The following TAF4 variants were observed in gnomAD, a reference collection of about 807,000 sequenced individuals.
The protein encoded by TAF4 is TATA-box binding protein associated factor 4.
TAF4 carries 9 observed loss-of-function variants against 90.3 expected under a neutral mutation model. That is an observed-to-expected ratio of 0.10 (90% CI 0.06 to 0.17). The LOEUF is 0.17. Among genes scored for constraint, TAF4 ranks in the 10% least tolerant of loss-of-function variants. TAF4 has a pLI of 1.00. For missense variants in TAF4, 1,351 were observed against 1,370.7 expected, an observed-to-expected ratio of 0.99 and a Z score of 0.23; for synonymous variants, 818 against 638.9, an observed-to-expected ratio of 1.28 and a Z score of -4.23.
At chr20:62,041,265 T>G (rs2055962232) in intron 1 of TAF4, among the ~76,000 whole-genome samples, 1 of 152,194 alleles carries the variant, frequency 6.6e-6, no homozygotes. Context: ...GGGGACATTT[T>G]ATTGTATATA....
At chr20:62,051,207 G>A (rs1474257834) in intron 1 of TAF4, among the ~76,000 whole-genome samples, 2 of 152,176 alleles carry the variant, frequency 1.3e-5, no homozygotes, top group South Asian at 2.1e-4. Context: ...CTGTGGGACC[G>A]GCAGCCTTGG....
Position 62,065,595 on chromosome 20 carries a change from G to T in TAF4, c.216C>A (p.Gly72=), listed in dbSNP as rs1464851726. Residue 72 remains glycine, a synonymous_variant, in exon 1 of 15, where the codon GGC becomes GGA. Transcript: ENST00000252996. ...CCTCGGCGGGGGCGGCCGGCCCTGC[G>T]CCCGCGGCTCCGGCCGGGCTGCCGC... is the stretch of plus-strand genomic sequence containing the variant. ...VVSGSPAGAA[G]AGPAAPAEGA... 1.0e-6 allele frequency: 1 copy of T among 986,256 alleles called. No homozygotes were observed. Among genetic ancestry groups the T allele is most frequent in the Non-Finnish European group, 1.2e-6 (1 of 832,770 alleles). The allele number at this position is 986,256 out of a possible 1,614,324, so 61.1% of individuals were successfully genotyped here. A position where few individuals can be genotyped will look rare whatever the true frequency, so the allele number is the denominator to read the frequency against.
chr20:62,027,858 A>G (rs978688431), intron 1 of TAF4, among the ~76,000 whole-genome samples: 2 of 152,252 alleles, frequency 1.3e-5, no homozygotes, highest in Non-Finnish European at 2.9e-5. Context: ...GCAAAGAAAC[A>G]GTGACTGAGA....
chr20:62,046,853 GC>G, intron 1 of TAF4, among the ~76,000 whole-genome samples: 1 of 152,304 alleles, frequency 6.6e-6, no homozygotes, highest in Admixed American at 6.5e-5. Context: ...ACACCTGCTA[GC>G]CATTTGTGTA....
chr20:62,038,117 C>G (rs2055943760), intron 1 of TAF4, among the ~76,000 whole-genome samples: 1 of 152,144 alleles, frequency 6.6e-6, no homozygotes, highest in East Asian at 1.9e-4. Flanking sequence ...CAAGCTCCGC[C>G]TCCCAGGTTC....
At chr20:62,003,918 G>A (rs372099515) in intron 7 of TAF4, 40 bp from the exon 8 acceptor site, 55 of 1,509,566 alleles carry the variant, frequency 3.6e-5, no homozygotes, top group African/African-American at 1.7e-4. Flanking sequence ...CATGCTCCCC[G>A]AGGGCCAGGG....
chr20:61,990,556 G>A (rs2055625149), intron 14 of TAF4, among the ~76,000 whole-genome samples: 1 of 152,216 alleles, frequency 6.6e-6, no homozygotes, highest in Admixed American at 6.5e-5. Context: ...CCTGGACCCA[G>A]GAGCCAGCAG....
At chr20:61,984,774 T>C (rs2123100786) in intron 14 of TAF4, among the ~76,000 whole-genome samples, 1 of 150,572 alleles carries the variant, frequency 6.6e-6, no homozygotes, top group African/African-American at 2.4e-5. Context: ...GTCACTGACC[T>C]GTGCTGCACT....
At chr20:61,978,607 GC>G (rs2055512518) in intron 14 of TAF4, among the ~76,000 whole-genome samples, 1 of 150,756 alleles carries the variant, frequency 6.6e-6, no homozygotes, top group Non-Finnish European at 1.5e-5. Context: ...AAAGGAGGGG[GC>G]GAGACCAACC....
At chr20:61,998,325 G>T in intron 12 of TAF4, 133 bp from the exon 13 acceptor site, 2 of 892,022 alleles carry the variant, frequency 2.2e-6, no homozygotes, top group South Asian at 1.9e-5. Context: ...TTTGTGAAAT[G>T]CTTATAGCCA....
intron 9 of TAF4, among the ~76,000 whole-genome samples, chr20:62,002,420 A>C (rs929934607): frequency 6.6e-6 from 1 of 152,210 alleles, no homozygotes; most frequent in African/African-American, 2.4e-5. Flanking sequence ...CCCACTGCTC[A>C]GGTCCCATAA....
At chr20:62,051,939 T>G (rs2056030593) in intron 1 of TAF4, among the ~76,000 whole-genome samples, 1 of 152,018 alleles carries the variant, frequency 6.6e-6, no homozygotes, top group African/African-American at 2.4e-5. Flanking sequence ...CAAACCAAGG[T>G]TGCCGCCTCC....
intron 1 of TAF4, among the ~76,000 whole-genome samples, chr20:62,053,170 G>T (rs1321521927): frequency 6.6e-6 from 1 of 152,188 alleles, no homozygotes; most frequent in East Asian, 1.9e-4. Context: ...GGAAGAGGGT[G>T]GCCCTATCAC....
intron 1 of TAF4, among the ~76,000 whole-genome samples, chr20:62,062,409 TTTTGC>T (rs1465387378): frequency 6.6e-6 from 1 of 152,230 alleles, no homozygotes; most frequent in African/African-American, 2.4e-5. Context: ...TACTTTTTTT[TTTTGC>T]TTTGGTTATT....
chr20:61,991,898 G>A (rs2055633910), intron 14 of TAF4, among the ~76,000 whole-genome samples: 1 of 151,994 alleles, frequency 6.6e-6, no homozygotes, highest in Non-Finnish European at 1.5e-5. Context: ...AAAAACACGT[G>A]GCCTACAGGA....
chr20:62,024,931 A>G (rs1026424296), intron 1 of TAF4, among the ~76,000 whole-genome samples: 7 of 152,198 alleles, frequency 4.6e-5, no homozygotes, highest in African/African-American at 1.7e-4. Flanking sequence ...GACGGATGCA[A>G]ATGAGCACAC....
At chr20:61,993,877 C>T (rs1490578424) in intron 14 of TAF4, among the ~76,000 whole-genome samples, 1 of 152,130 alleles carries the variant, frequency 6.6e-6, no homozygotes, top group East Asian at 1.9e-4. Context: ...CTCAGCCTCC[C>T]GAGTAGCTGG....
intron 14 of TAF4, among the ~76,000 whole-genome samples, chr20:61,997,029 TA>T (rs143073491): frequency 6.6e-6 from 1 of 150,970 alleles, no homozygotes. Context: ...GTAATTTACT[TA>T]AAAAAAAACA....
intron 1 of TAF4, among the ~76,000 whole-genome samples, chr20:62,016,020 T>C (rs2055810094): frequency 6.6e-6 from 1 of 152,130 alleles, no homozygotes; most frequent in Non-Finnish European, 1.5e-5. Context: ...TGCTGGAATC[T>C]CCAAGCCTGG....
Sources: allele counts gnomAD v4.1 joint callset (sites outside exome capture counted in the v4.1 genomes callset), GRCh38; gene constraint gnomAD v4.1.1; transcripts MANE v1.5; gene names NCBI Gene and HGNC (gene_info 2026-07-23, HGNC 2026-07-21).